Variants in CACNA1A observed in about 807,000 individuals in gnomAD.
The protein encoded by CACNA1A is calcium voltage-gated channel subunit alpha1 A, also known as voltage-dependent P/Q-type calcium channel subunit alpha-1A.
CACNA1A carries 57 observed loss-of-function variants against 262.4 expected under a neutral mutation model. The ratio of observed to expected loss-of-function variants is 0.22; its 90% CI spans 0.18 to 0.27. CACNA1A has a LOEUF of 0.27. Among genes scored for constraint, CACNA1A ranks in the 10% least tolerant of loss-of-function variants. The pLI is 1.00. For missense variants in CACNA1A, 2,526 were observed against 3,562.8 expected (o/e 0.71, Z 7.41); for synonymous variants, 1,431 against 1,419.3 (o/e 1.01, Z -0.18).
intron 1 of CACNA1A, among the ~76,000 whole-genome samples, chr19:13,499,448 G>T (rs576223080): frequency 1.3e-4 from 5 of 38,300 alleles, no homozygotes; most frequent in African/African-American, 2.1e-4. Flanking sequence ...CGCAGGGGGT[G>T]GTGGGGGGGG....
Position 13,212,846 on chromosome 19 carries a change from A to ACT in CACNA1A, c.5941-107_5941-106insAG, listed in dbSNP as rs372089523. On this transcript the variant is annotated intron_variant, in intron 40 of 46. Transcript: ENST00000360228. This position sits in a 1 kb window ranked among gnomAD's most constrained non-coding sequence, Gnocchi z 5.6. ...CCAGTATACACACACACACACACAC[A>ACT]CACTCTCTCAGGTCTCATCCATCTA... 2 of 575,044 alleles carry ACT rather than the reference A, an allele frequency of 3.5e-6. No homozygotes were observed. Among genetic ancestry groups the ACT allele is most frequent in the South Asian group, 2.6e-5 (1 of 37,900 alleles). 35.6% of individuals were successfully genotyped at this position (575,044 alleles called of 1,614,324 possible).
chr19:13,263,009 G>T, intron 24 of CACNA1A, 176 bp from the exon 25 acceptor site: 1 of 601,972 alleles, frequency 1.7e-6, no homozygotes, highest in Admixed American at 2.7e-5. Context: ...TGTTAAGCTT[G>T]GGCTCGGGAG....
chr19:13,270,843 G>C (rs34767390), intron 24 of CACNA1A, among the ~76,000 whole-genome samples: 1 of 152,034 alleles, frequency 6.6e-6, no homozygotes, highest in Non-Finnish European at 1.5e-5. Flanking sequence ...ACTCATGTCC[G>C]TCGGCTCTTC....
intron 3 of CACNA1A, among the ~76,000 whole-genome samples, chr19:13,434,946 C>G (rs1229146630): frequency 6.6e-6 from 1 of 151,778 alleles, no homozygotes; most frequent in Non-Finnish European, 1.5e-5. Flanking sequence ...CGTGCCACCA[C>G]ACCTGGCTAA....
chr19:13,223,561 G>A (rs979027251), intron 38 of CACNA1A, among the ~76,000 whole-genome samples: 12 of 152,172 alleles, frequency 7.9e-5, no homozygotes, highest in Non-Finnish European at 1.3e-4. Context: ...GCCTCCTTTC[G>A]GTCTCCCATC....
intron 6 of CACNA1A, among the ~76,000 whole-genome samples, chr19:13,353,016 G>T (rs908428846): frequency 6.6e-6 from 1 of 151,946 alleles, no homozygotes; most frequent in Non-Finnish European, 1.5e-5. Context: ...CAGGTGATCT[G>T]CCTGCCTTGG....
At chr19:13,462,112 G>T (rs2061134559) in intron 1 of CACNA1A, among the ~76,000 whole-genome samples, 1 of 152,202 alleles carries the variant, frequency 6.6e-6, no homozygotes, top group Non-Finnish European at 1.5e-5. Context: ...GGGCGTGGCT[G>T]ATGGTTCCCA....
At chr19:13,360,474 ATTTTTTT>A (rs58721308) in intron 5 of CACNA1A, among the ~76,000 whole-genome samples, 5 of 126,256 alleles carry the variant, frequency 4.0e-5, no homozygotes, top group Admixed American at 8.2e-5. Flanking sequence ...TGCCACTAGA[ATTTTTTT>A]TTTTTTTTTT....
At chr19:13,293,356 CA>C (rs2057586803) in intron 19 of CACNA1A, among the ~76,000 whole-genome samples, 1 of 142,766 alleles carries the variant, frequency 7.0e-6, no homozygotes, top group Admixed American at 7.1e-5. Flanking sequence ...CAAAATGCTA[CA>C]AAAAATTGCT....
intron 11 of CACNA1A, among the ~76,000 whole-genome samples, chr19:13,314,683 C>T (rs2058092148): frequency 6.6e-6 from 1 of 152,192 alleles, no homozygotes; most frequent in Admixed American, 6.5e-5. Context: ...TCAAATTACC[C>T]AGTCTCGGGT....
Position 13,371,743 on chromosome 19 carries a change from C to A in CACNA1A, c.576G>T (p.Arg192=). ...LATVGTEFDL[R]TLRAVRVLRP... ...GCAGCACTCGAACTGCCCTCAGCGT[C>A]CGTAGGTCAAACTCCGTCCCAACTG... The change falls in exon 4 of 47, where the codon CGG becomes CGT. Residue 192 remains arginine (R), a synonymous_variant. Coordinates refer to ENST00000360228, the MANE Select transcript of CACNA1A (RefSeq NM_001127222.2). 1 of 1,580,238 alleles carries A rather than the reference C, an allele frequency of 6.3e-7. No homozygotes were observed. The highest frequency in any genetic ancestry group is 8.6e-7 in the Non-Finnish European group (1 of 1,163,316).
intron 14 of CACNA1A, 111 bp from the exon 15 acceptor site, chr19:13,307,965 G>A: frequency 1.4e-6 from 2 of 1,392,508 alleles, no homozygotes; most frequent in Non-Finnish European, 1.0e-6. Flanking sequence ...TCTGTCCCCA[G>A]GAAACCCTGA....
intron 7 of CACNA1A, among the ~76,000 whole-genome samples, chr19:13,335,032 C>CA (rs5827189): frequency 0.58 from 86,961 of 149,216 alleles, 27,332 homozygotes; most frequent in South Asian, 0.71. Context: ...GACACCGTCT[C>CA]AAAAAAAAAC....
chr19:13,382,387 C>T (rs1381741021), intron 3 of CACNA1A, among the ~76,000 whole-genome samples: 3 of 152,276 alleles, frequency 2.0e-5, no homozygotes, highest in Middle Eastern at 3.4e-3. Context: ...TGTGCAATCC[C>T]AGCTGGCTCC....
At position 13,214,804 on chromosome 19, in the gene CACNA1A, T is replaced by G; in HGVS notation, c.5732-196A>C. 1 of 596,314 alleles carries G rather than the reference T, an allele frequency of 1.7e-6. No homozygotes were observed. The highest frequency in any genetic ancestry group is 3.0e-6 in the Non-Finnish European group (1 of 335,148). The allele number at this position is 596,314 out of a possible 1,614,324, so 36.9% of individuals were successfully genotyped here. On this transcript the variant is annotated intron_variant, in intron 38 of 46. Coordinates refer to ENST00000360228, the MANE Select transcript of CACNA1A (RefSeq NM_001127222.2). This position sits in a 1 kb window ranked among gnomAD's most constrained non-coding sequence, Gnocchi z 4.1. Reference sequence around the variant, plus strand: ...GGAATGACCTTGTGGGCTCTGGTTTTCGGTGGGGCCAGGACCATGGAGCAG... The same window carrying G: ...GGAATGACCTTGTGGGCTCTGGTTTGCGGTGGGGCCAGGACCATGGAGCAG...
At chr19:13,404,517 C>A (rs1390981149) in intron 3 of CACNA1A, among the ~76,000 whole-genome samples, 1 of 152,158 alleles carries the variant, frequency 6.6e-6, no homozygotes, top group Non-Finnish European at 1.5e-5. Context: ...CATCCTCTCC[C>A]GAGAAAGCTG....
Position 13,262,722 on chromosome 19 carries a change from T to C in CACNA1A, c.4089+12A>G. 1 of 1,560,856 alleles carries C rather than the reference T, an allele frequency of 6.4e-7. No individual in the cohort carries two copies. The highest frequency in any genetic ancestry group is 8.8e-7 in the Non-Finnish European group (1 of 1,133,634). On this transcript the variant is annotated intron_variant, in intron 25 of 46. Coordinates refer to ENST00000360228, the MANE Select transcript of CACNA1A (RefSeq NM_001127222.2). Reference sequence around the variant, plus strand: ...GTCCCCCCCACCGCACCCCACCATCTCCCAATCTCACCTTGAGCTTTGGCA... The same window carrying C: ...GTCCCCCCCACCGCACCCCACCATCCCCCAATCTCACCTTGAGCTTTGGCA...
At chr19:13,402,333 C>T (rs1223313806) in intron 3 of CACNA1A, among the ~76,000 whole-genome samples, 1 of 151,982 alleles carries the variant, frequency 6.6e-6, no homozygotes, top group African/African-American at 2.4e-5. Context: ...CATCTCAGGC[C>T]AAAGAATGTG....
chr19:13,209,504 G>A lies in CACNA1A; in HGVS notation c.6340-6C>T. 1 of 1,304,376 alleles carries A rather than the reference G, an allele frequency of 7.7e-7. No homozygotes were observed. The allele number at this position is 1,304,376 out of a possible 1,614,324, so 80.8% of individuals were successfully genotyped here. ...GGGCTGGTGTCTGAGATGGTCTGGGGGAGGGGACAGGCCGGTGGGCTGGGG... is the reference window on the plus strand; with the variant it reads ...GGGCTGGTGTCTGAGATGGTCTGGGAGAGGGGACAGGCCGGTGGGCTGGGG... On this transcript the variant is annotated splice_region_variant and splice_polypyrimidine_tract_variant and intron_variant, in intron 44 of 46. Coordinates refer to ENST00000360228, the MANE Select transcript of CACNA1A (RefSeq NM_001127222.2).
Sources: allele counts gnomAD v4.1 joint callset (sites outside exome capture counted in the v4.1 genomes callset), GRCh38; gene constraint gnomAD v4.1.1; non-coding constraint Gnocchi (gnomAD v3.1); transcripts MANE v1.5; gene names NCBI Gene and HGNC (gene_info 2026-07-23, HGNC 2026-07-21).